The following RXRA variants were observed in gnomAD, a reference collection of about 807,000 sequenced individuals.
The protein encoded by RXRA is retinoic acid receptor RXR-alpha.
RXRA carries 5 observed loss-of-function variants against 44.5 expected under a neutral mutation model. The observed-to-expected ratio is 0.11, with a 90% CI of 0.06 to 0.24. The LOEUF (loss-of-function observed/expected upper bound fraction) is 0.24, where lower values mean the gene tolerates loss of function less well. RXRA is among the 10% of genes least tolerant of loss of function. The pLI is 1.00. For synonymous variants in RXRA, 291 were observed against 271.4 expected, an observed-to-expected ratio of 1.07 and a Z score of -0.71; for missense variants, 412 against 646.5, an observed-to-expected ratio of 0.64 and a Z score of 3.93.
chr9:134,379,685 C>A (rs1383310358), intron 1 of RXRA: 1 of 985,270 alleles, frequency 1.0e-6, no homozygotes, highest in Non-Finnish European at 1.2e-6. Flanking sequence ...AGGACAGCCC[C>A]AGTATGCGGA....
intron 1 of RXRA, among the ~76,000 whole-genome samples, chr9:134,380,796 G>T (rs1830632327): frequency 6.6e-6 from 1 of 152,110 alleles, no homozygotes; most frequent in African/African-American, 2.4e-5. Context: ...CCAGAGGAAA[G>T]GCCTCCTCCA....
Position 134,408,972 on chromosome 9 carries a change from T to C in RXRA, c.463T>C (p.Cys155Arg). Residue 155 changes from cysteine to arginine, a missense_variant, in exon 4 of 10, where the codon TGC (cysteine) becomes CGC (arginine). By Grantham distance (180) the Cys-to-Arg change is radical. This residue lies in a region of RXRA where 48 missense variants were observed against 119.9 expected (regional missense o/e 0.40). Transcript: ENST00000481739. ...CTATGGAGTGTACAGCTGCGAGGGG[T>C]GCAAGGGCTTCTTCAAGCGGACGGT... is the stretch of plus-strand genomic sequence containing the variant. ...KHYGVYSCEG[C>R]KGFFKRTVRK... 1 of 1,603,856 alleles carries C rather than the reference T, an allele frequency of 6.2e-7. No individual in the cohort carries two copies. The highest frequency in any genetic ancestry group is 8.5e-7 in the Non-Finnish European group (1 of 1,174,922).
chr9:134,429,269 C>T (rs764959258), intron 7 of RXRA, 29 bp downstream of exon 7: 30 of 1,601,820 alleles, frequency 1.9e-5, no homozygotes, highest in Middle Eastern at 3.3e-4. Flanking sequence ...GGGGCGAGGG[C>T]GCTTCGGTCA....
At chr9:134,380,188 C>T (rs118122844) in intron 1 of RXRA, 10,176 of 985,358 alleles carry the variant, frequency 0.01, 62 homozygotes, top group Non-Finnish European at 0.012. Context: ...GGTGGCCCCC[C>T]GCGGTGTAGG....
rs1831644845 is a variant in RXRA, at chr9:134,437,540, CAG to C, written c.*927_*928del. The C allele has an allele frequency of 6.6e-6, 1 of 152,360 alleles. No individual in the cohort carries two copies. Among genetic ancestry groups the C allele is most frequent in the Admixed American group, 6.5e-5 (1 of 15,286 alleles). The allele number at this position is 152,360 out of a possible 1,614,324, so 9.4% of individuals were successfully genotyped here. A position where few individuals can be genotyped will look rare whatever the true frequency, so the allele number is the denominator to read the frequency against. On this transcript the variant is annotated 3_prime_UTR_variant, in exon 10 of 10. Transcript: ENST00000481739. The stretch of plus-strand genomic sequence containing the variant: ...CACCTCACTGGCCTTGCTGGAGGCA[CAG>C]GGCTCTGCGGACCTGCAGCCATCTG...
chr9:134,347,668 T>C (rs1012591504), intron 1 of RXRA, among the ~76,000 whole-genome samples: 1 of 152,076 alleles, frequency 6.6e-6, no homozygotes. Context: ...CGGGTGGGCT[T>C]GTGCATGGGA....
At chr9:134,340,439 C>G (rs1830072656) in intron 1 of RXRA, among the ~76,000 whole-genome samples, 2 of 152,158 alleles carry the variant, frequency 1.3e-5, no homozygotes, top group Admixed American at 1.3e-4. Flanking sequence ...AATTGTCCAG[C>G]CAGGAGTGAG....
intron 1 of RXRA, among the ~76,000 whole-genome samples, chr9:134,381,450 G>A (rs1465858421): frequency 1.3e-5 from 2 of 152,138 alleles, no homozygotes; most frequent in Non-Finnish European, 2.9e-5. Context: ...GAGAGGGAAG[G>A]CTTCCTGGAG....
Position 134,426,493 on chromosome 9 carries a change from G to A in RXRA, c.911-2615G>A, listed in dbSNP as rs555090160. ...GGGACAGGGGAGCTGAGATGCAGCC[G>A]GCGTGCCGGAGGGTGCAGAGAGAGA... On this transcript the variant is annotated intron_variant, in intron 6 of 9. Coordinates refer to ENST00000481739, the MANE Select transcript of RXRA (RefSeq NM_002957.6). This position sits in a 1 kb window ranked among gnomAD's most constrained non-coding sequence, Gnocchi z 4.6. The A allele has an allele frequency of 1.8e-4, 176 of 985,466 alleles. No individual in the cohort carries two copies. The highest frequency in any genetic ancestry group is 2.0e-4 in the Non-Finnish European group (168 of 829,932). 61.0% of individuals were successfully genotyped at this position (985,466 alleles called of 1,614,324 possible).
At chr9:134,423,905 A>C (rs1344281377) in intron 6 of RXRA, 1 of 985,058 alleles carries the variant, frequency 1.0e-6, no homozygotes, top group Non-Finnish European at 1.2e-6. Context: ...ACCGATCCAG[A>C]GAACAGCTGG....
chr9:134,348,314 C>A (rs542482802), intron 1 of RXRA, among the ~76,000 whole-genome samples: 19 of 152,278 alleles, frequency 1.2e-4, no homozygotes, highest in African/African-American at 4.1e-4. Flanking sequence ...GGCGGCAGGA[C>A]CAGCCAGGGT....
In RXRA at chr9:134,408,000, G is replaced by A. The variant is rs1267608183; in HGVS notation, c.280-149G>A. The A allele has an allele frequency of 1.1e-5, 6 of 561,944 alleles. No homozygotes were observed. Among genetic ancestry groups the A allele is most frequent in the Admixed American group, 3.6e-5 (1 of 28,148 alleles). 34.8% of individuals were successfully genotyped at this position (561,944 alleles called of 1,614,324 possible). On this transcript the variant is annotated intron_variant, in intron 2 of 9. Coordinates refer to ENST00000481739, the MANE Select transcript of RXRA (RefSeq NM_002957.6). This position sits in a 1 kb window ranked among gnomAD's most constrained non-coding sequence, Gnocchi z 4.8. ...AGTGGCCCCGCTGCTCCGGAGCAGC[G>A]TGGCGGGTGGGGGGCACGGCCCTCT... is the stretch of plus-strand genomic sequence containing the variant.
intron 6 of RXRA, 129 bp from the exon 7 acceptor site, chr9:134,428,979 T>C: frequency 9.0e-7 from 1 of 1,107,252 alleles, no homozygotes; most frequent in South Asian, 1.5e-5. Context: ...CTTCATGGGA[T>C]TGGGGTTCCA....
chr9:134,371,697 G>A (rs906881641), intron 1 of RXRA, among the ~76,000 whole-genome samples: 2 of 152,202 alleles, frequency 1.3e-5, no homozygotes, highest in Non-Finnish European at 2.9e-5. Flanking sequence ...GGACGGGCCT[G>A]GGGGTGGCGT....
In RXRA at chr9:134,374,081, CGTGGCTGTCTGT is replaced by C. The variant is rs888150688; in HGVS notation, c.29-27549_29-27538del. 2.0e-4 allele frequency: 31 copies of C among 152,360 alleles called. 1 individual carries two copies. The highest frequency in any genetic ancestry group is 7.5e-4 in the African/African-American group (31 of 41,522). 9.4% of individuals were successfully genotyped at this position (152,360 alleles called of 1,614,324 possible). On this transcript the variant is annotated intron_variant, in intron 1 of 9. Coordinates refer to ENST00000481739, the MANE Select transcript of RXRA (RefSeq NM_002957.6). ...AGTGGTGCATGAAGGTGGCTGTCCA[CGTGGCTGTCTGT>C]GGTGTCGGTTAATCGTCACGGCTTC...
intron 1 of RXRA, among the ~76,000 whole-genome samples, chr9:134,375,244 C>T (rs1830541324): frequency 6.6e-6 from 1 of 152,146 alleles, no homozygotes; most frequent in Non-Finnish European, 1.5e-5. Context: ...TGACCCAAGG[C>T]TGGGGGTGGA....
At chr9:134,385,691 A>G (rs1197195670) in intron 1 of RXRA, among the ~76,000 whole-genome samples, 4 of 152,222 alleles carry the variant, frequency 2.6e-5, no homozygotes, top group Non-Finnish European at 5.9e-5. Context: ...CCACCACTCC[A>G]GGCCAGGACA....
intron 1 of RXRA, among the ~76,000 whole-genome samples, chr9:134,382,723 C>T (rs545105940): frequency 2.6e-5 from 4 of 152,166 alleles, no homozygotes; most frequent in East Asian, 3.9e-4. Context: ...AACTATGTAA[C>T]AGCCGGGTCT....
chr9:134,360,645 C>T (rs2119062213), intron 1 of RXRA, among the ~76,000 whole-genome samples: 1 of 152,378 alleles, frequency 6.6e-6, no homozygotes, highest in South Asian at 2.1e-4. Flanking sequence ...GCTGCTCAGC[C>T]TGGCGTTGCA....
Sources: allele counts gnomAD v4.1 joint callset (sites outside exome capture counted in the v4.1 genomes callset), GRCh38; gene constraint gnomAD v4.1.1; regional missense constraint gnomAD v4.1.1; non-coding constraint Gnocchi (gnomAD v3.1); transcripts MANE v1.5; gene names NCBI Gene and HGNC (gene_info 2026-07-23, HGNC 2026-07-21).